Variants in DSCC1 observed in about 807,000 individuals in gnomAD.
DSCC1 encodes sister chromatid cohesion protein DCC1.
DSCC1 carries 32 observed loss-of-function variants against 48.2 expected under a neutral mutation model. The ratio of observed to expected loss-of-function variants is 0.66; its 90% CI spans 0.50 to 0.89. The LOEUF (loss-of-function observed/expected upper bound fraction) is 0.89, where lower values mean the gene tolerates loss of function less well. Among genes scored for constraint, DSCC1 ranks in the 40% least tolerant of loss-of-function variants. The probability of loss-of-function intolerance (pLI) is 0.00; values close to 1 mark genes in which losing one functional copy is unlikely to be tolerated. For missense variants in DSCC1, 421 were observed against 471.7 expected, an observed-to-expected ratio of 0.89 and a Z score of 1.00; for synonymous variants, 150 against 171.5, an observed-to-expected ratio of 0.87 and a Z score of 0.98.
At chr8:119,845,401 T>C (rs1390738854) in intron 4 of DSCC1, among the ~76,000 whole-genome samples, 1 of 152,258 alleles carries the variant, frequency 6.6e-6, no homozygotes, top group East Asian at 1.9e-4. Context: ...TGCCATTTTA[T>C]AATTGATGGC....
At chr8:119,836,237 C>A (rs1169760415) in intron 8 of DSCC1, among the ~76,000 whole-genome samples, 1 of 152,110 alleles carries the variant, frequency 6.6e-6, no homozygotes, top group African/African-American at 2.4e-5. Context: ...CCCTTAAACT[C>A]GGGAGGCAAA....
At chr8:119,843,772 A>G in intron 4 of DSCC1, 25 bp from the exon 5 acceptor site, 1 of 1,593,090 alleles carries the variant, frequency 6.3e-7, no homozygotes, top group Non-Finnish European at 8.5e-7. Context: ...AGTTATATTT[A>G]CCAAAGAACT....
rs944188846 is a variant in DSCC1 at position 119,834,005 on chromosome 8, T to C, written c.*888A>G. The C allele has an allele frequency of 6.6e-6, 1 of 152,224 alleles. No homozygotes were observed. Among genetic ancestry groups the C allele is most frequent in the Non-Finnish European group, 1.5e-5 (1 of 68,044 alleles). 9.4% of individuals were successfully genotyped at this position (152,224 alleles called of 1,614,324 possible). On this transcript the variant is annotated 3_prime_UTR_variant, in exon 9 of 9. Transcript: ENST00000313655. Reference sequence around the variant, plus strand: ...TGCAGAAACATTTATTGAAAGACATTTCGAAGCCATCGTGTTTGTATTTCA... The same window carrying C: ...TGCAGAAACATTTATTGAAAGACATCTCGAAGCCATCGTGTTTGTATTTCA...
At chr8:119,850,959 G>A (rs954894872) in intron 2 of DSCC1, among the ~76,000 whole-genome samples, 7 of 152,300 alleles carry the variant, frequency 4.6e-5, no homozygotes, top group Middle Eastern at 3.4e-3. Context: ...TGTTGCTCAC[G>A]TTGAAATGAG....
At chr8:119,850,539 C>A (rs1302389246) in intron 2 of DSCC1, 23 bp from the exon 3 acceptor site, 2 of 1,536,940 alleles carry the variant, frequency 1.3e-6, no homozygotes, top group Admixed American at 2.3e-5. Flanking sequence ...TATATCGTAA[C>A]CTTTTAGGGG....
intron 7 of DSCC1, among the ~76,000 whole-genome samples, chr8:119,841,431 G>C (rs1394781568): frequency 6.6e-6 from 1 of 152,158 alleles, no homozygotes; most frequent in Non-Finnish European, 1.5e-5. Flanking sequence ...TGGACTAGGA[G>C]AGGGGTGATG....
At chr8:119,844,639 C>T (rs538612154) in intron 4 of DSCC1, among the ~76,000 whole-genome samples, 1 of 151,200 alleles carries the variant, frequency 6.6e-6, no homozygotes, top group South Asian at 2.1e-4. Context: ...GTCTTAAACT[C>T]CTGTGCTCAA....
chr8:119,842,497 C>G (rs1047258211), intron 6 of DSCC1, among the ~76,000 whole-genome samples: 4 of 151,920 alleles, frequency 2.6e-5, no homozygotes, highest in African/African-American at 9.7e-5. Context: ...ATCCTCCCAC[C>G]TCGGATTCCT....
intron 8 of DSCC1, 107 bp from the exon 9 acceptor site, chr8:119,835,108 C>G: frequency 2.7e-6 from 2 of 749,956 alleles, no homozygotes; most frequent in East Asian, 2.9e-5. Flanking sequence ...GTCTTCTCAA[C>G]AAGCGTAAGT....
chr8:119,850,163 A>C lies in DSCC1; in HGVS notation c.486+219T>G, dbSNP rs1214653644. Among the ~76,000 whole-genome samples, 8 of 152,330 alleles carry C rather than the reference A, an allele frequency of 5.3e-5. No homozygotes were observed. The East Asian group carries it at 1.5e-3, about 29-fold the overall frequency. ...GAAGGATAGAAAGGGGATAGAAGAA[A>C]GAAGACTGACAAGACATTAATTGTT... On this transcript the variant is annotated intron_variant, in intron 3 of 8. Coordinates refer to ENST00000313655, the MANE Select transcript of DSCC1 (RefSeq NM_024094.3).
chr8:119,846,344 C>T (rs1377527895), intron 4 of DSCC1, among the ~76,000 whole-genome samples: 1 of 152,058 alleles, frequency 6.6e-6, no homozygotes, highest in Non-Finnish European at 1.5e-5. Flanking sequence ...AAACTCCTGA[C>T]GTCGTGATCG....
chr8:119,847,041 C>A lies in DSCC1; in HGVS notation c.526G>T (p.Glu176Ter), dbSNP rs1413924379. Residue 176 changes from glutamate (E) to a stop codon, truncating the protein, a stop_gained, in exon 4 of 9, where the codon GAG becomes TAG. Transcript: ENST00000313655. LOFTEE classifies it high-confidence loss of function. Reference sequence around the variant, plus strand: ...TGTAATTGGGTCATTATTTCTTCCTCACTTGCCTGAATTTGATCAAGCAAA... The same window carrying A: ...TGTAATTGGGTCATTATTTCTTCCTAACTTGCCTGAATTTGATCAAGCAAA... Reference protein sequence around the residue: ...EDLLDQIQASEEEIMTQLQVL... With the variant: ...EDLLDQIQAS 1.2e-6 allele frequency: 2 copies of A among 1,613,542 alleles called. No individual in the cohort carries two copies. The highest frequency in any genetic ancestry group is 2.7e-5 in the African/African-American group (2 of 74,914).
chr8:119,845,969 G>C (rs1316241298), intron 4 of DSCC1, among the ~76,000 whole-genome samples: 1 of 151,902 alleles, frequency 6.6e-6, no homozygotes, highest in African/African-American at 2.4e-5. Flanking sequence ...AATTAATTTT[G>C]CTAGGAGTTC....
At chr8:119,854,309 A>C (rs796392067) in intron 1 of DSCC1, among the ~76,000 whole-genome samples, 11 of 152,350 alleles carry the variant, frequency 7.2e-5, no homozygotes, top group African/African-American at 2.6e-4. Context: ...ATTAAAGACA[A>C]AGATGATGGC....
At chr8:119,844,189 ACACTT>A (rs564080667) in intron 4 of DSCC1, among the ~76,000 whole-genome samples, 1 of 152,176 alleles carries the variant, frequency 6.6e-6, no homozygotes, top group African/African-American at 2.4e-5. Flanking sequence ...TGTAATCCCA[ACACTT>A]TGGGAGGCCG....
Position 119,843,639 on chromosome 8 carries a change from C to T in DSCC1, c.686G>A (p.Cys229Tyr), listed in dbSNP as rs1233956772. The change falls in exon 5 of 9, where the codon TGC (cysteine) becomes TAC (tyrosine). Residue 229 changes from cysteine to tyrosine, a missense_variant. Around this residue, in one of 3 missense-constraint regions of DSCC1, gnomAD observed 238 missense variants for 259.0 expected, o/e 0.92. Transcript: ENST00000313655. ...WSFGKVPLNT[C>Y]LQELGPLEPE... ...CTCCAATGGTCCGAGTTCCTGAAGGCATGTGTTCAAAGGAACTTTACCAAA... is the reference window on the plus strand; with the variant it reads ...CTCCAATGGTCCGAGTTCCTGAAGGTATGTGTTCAAAGGAACTTTACCAAA... 1.2e-6 allele frequency: 2 copies of T among 1,613,430 alleles called. No homozygotes were observed. The highest frequency in any genetic ancestry group is 4.5e-5 in the East Asian group (2 of 44,888).
Position 119,855,884 on chromosome 8 carries a change from GA to G in DSCC1, c.-90del. On this transcript the variant is annotated 5_prime_UTR_variant, in exon 1 of 9. Transcript: ENST00000313655. Reference sequence around the variant, plus strand: ...AAGTTCCCAAGCAGCCGGAAGGTAGGAAACCTGAGCGTTTGAAAGCGCGCCA... The same window carrying G: ...AAGTTCCCAAGCAGCCGGAAGGTAGGAACCTGAGCGTTTGAAAGCGCGCCA... 2.9e-6 allele frequency: 4 copies of G among 1,369,008 alleles called. No individual in the cohort carries two copies. The South Asian group carries it at 6.5e-5, about 22-fold the overall frequency. The allele number at this position is 1,369,008 out of a possible 1,614,324, so 84.8% of individuals were successfully genotyped here.
At chr8:119,836,840 T>C (rs1826692085) in intron 8 of DSCC1, among the ~76,000 whole-genome samples, 1 of 151,734 alleles carries the variant, frequency 6.6e-6, no homozygotes, top group Non-Finnish European at 1.5e-5. Context: ...CTCCAACATT[T>C]AGAGATTGAG....
chr8:119,850,866 AAAACAAAC>A (rs568145897), intron 2 of DSCC1, among the ~76,000 whole-genome samples: 29 of 152,336 alleles, frequency 1.9e-4, no homozygotes, highest in African/African-American at 6.3e-4. Flanking sequence ...ACTTAGGCAA[AAAACAAAC>A]AAACAAACAA....
Sources: allele counts gnomAD v4.1 joint callset (sites outside exome capture counted in the v4.1 genomes callset), GRCh38; gene constraint gnomAD v4.1.1; regional missense constraint gnomAD v4.1.1; transcripts MANE v1.5; gene names NCBI Gene and HGNC (gene_info 2026-07-23, HGNC 2026-07-21).